CBLB: variants seen among roughly 807,000 people sequenced by gnomAD.
CBLB encodes E3 ubiquitin-protein ligase CBL-B.
In CBLB, 31 loss-of-function variants were observed where a neutral mutation model predicts 104.9. The observed-to-expected ratio is 0.30, with a 90% CI of 0.22 to 0.40. CBLB has a LOEUF of 0.40. Ranked by LOEUF, CBLB falls within the 10% of genes least tolerant of loss-of-function variation. The probability of loss-of-function intolerance (pLI) is 1.00; values close to 1 mark genes in which losing one functional copy is unlikely to be tolerated. For synonymous variants in CBLB, 440 were observed against 422.6 expected, an observed-to-expected ratio of 1.04 and a Z score of -0.51; for missense variants, 1,062 against 1,214.6, an observed-to-expected ratio of 0.87 and a Z score of 1.87.
intron 2 of CBLB, among the ~76,000 whole-genome samples, chr3:105,863,718 A>T (rs1449316756): frequency 6.6e-6 from 1 of 152,218 alleles, no homozygotes; most frequent in East Asian, 1.9e-4. Context: ...GACTGAGGGC[A>T]AAAGGCAGGA....
Position 105,746,014 on chromosome 3 carries a change from A to C in CBLB, c.748T>G (p.Trp250Gly). 1 of 1,607,598 alleles carries C rather than the reference A, an allele frequency of 6.2e-7. No individual in the cohort carries two copies. Reference sequence around the variant, plus strand: ...GGATGTGTCACAGCTAAGAAATTCCAATTCCGCAAAATAGAGCCCCAAGGC... The same window carrying C: ...GGATGTGTCACAGCTAAGAAATTCCCATTCCGCAAAATAGAGCCCCAAGGC... Reference protein sequence around the residue: ...FQPWGSILRNWNFLAVTHPGY... With the variant: ...FQPWGSILRNGNFLAVTHPGY... The change falls in exon 6 of 19, where the codon TGG (tryptophan) becomes GGG (glycine). Residue 250 changes from tryptophan to glycine, a missense_variant. Trp to Gly is a radical substitution (Grantham distance 184). Transcript: ENST00000394030.
rs112192218 is a variant in CBLB at position 105,847,392 on chromosome 3, CCACA to C, written c.419+6018_419+6021del. 7.2e-3 allele frequency among the ~76,000 whole-genome samples: 1,026 copies of C among 143,464 alleles called. 8 individuals carry two copies. The highest frequency in any genetic ancestry group is 0.019 in the African/African-American group (750 of 38,650). 94.1% of individuals were successfully genotyped at this position (143,464 alleles called of 152,430 possible). ...TAACTACAGAACATGTAACCCTCCA[CCACA>C]CACACACACACACACACACACACAC... is the stretch of plus-strand genomic sequence containing the variant. On this transcript the variant is annotated intron_variant, in intron 3 of 18. Coordinates refer to ENST00000394030, the MANE Select transcript of CBLB (RefSeq NM_170662.5).
At chr3:105,690,385 C>T (rs559238865) in intron 13 of CBLB, among the ~76,000 whole-genome samples, 30 of 152,114 alleles carry the variant, frequency 2.0e-4, no homozygotes, top group Non-Finnish European at 3.4e-4. Flanking sequence ...CTGTTATTGT[C>T]AGGTTTGCCA....
intron 2 of CBLB, among the ~76,000 whole-genome samples, chr3:105,856,303 T>A (rs898876975): frequency 1.6e-5 from 2 of 126,612 alleles, no homozygotes; most frequent in African/African-American, 3.1e-5. Context: ...TGAGCTGAGA[T>A]CACATCACTG....
chr3:105,813,814 T>C lies in CBLB; in HGVS notation c.420-37272A>G, dbSNP rs193130629. Among the ~76,000 whole-genome samples the C allele has an allele frequency of 4.8e-4, 73 of 152,234 alleles. 2 individuals are homozygous for C. In the East Asian group the frequency reaches 0.012, roughly 25 times the overall value. The stretch of plus-strand genomic sequence containing the variant: ...CAATAACAAGAAGCCAAGTGTGGTA[T>C]TCCTCAACTAATCTTAAAAAATTGT... On this transcript the variant is annotated intron_variant, in intron 3 of 18. Transcript: ENST00000394030.
Position 105,693,607 on chromosome 3 carries a change from G to C in CBLB, c.1960-19C>G, listed in dbSNP as rs556126315. 1 of 1,548,924 alleles carries C rather than the reference G, an allele frequency of 6.5e-7. No individual in the cohort carries two copies. The highest frequency in any genetic ancestry group is 1.1e-5 in the South Asian group (1 of 89,472). Reference sequence around the variant, plus strand: ...AAAAGACCTGAAAGTAAATCAAATTGTTAGTTTCCAAGAATTTAACTTCTG... The same window carrying C: ...AAAAGACCTGAAAGTAAATCAAATTCTTAGTTTCCAAGAATTTAACTTCTG... On this transcript the variant is annotated intron_variant, in intron 12 of 18. Transcript: ENST00000394030.
At chr3:105,683,114 G>C (rs1196909931) in intron 14 of CBLB, among the ~76,000 whole-genome samples, 1 of 152,032 alleles carries the variant, frequency 6.6e-6, no homozygotes, top group East Asian at 1.9e-4. Context: ...CTCTTTAAGG[G>C]GCCAGATATA....
At chr3:105,689,749 C>T (rs1373790217) in intron 13 of CBLB, among the ~76,000 whole-genome samples, 1 of 150,336 alleles carries the variant, frequency 6.7e-6, no homozygotes, top group African/African-American at 2.4e-5. Flanking sequence ...AAAAAGAATC[C>T]ACATAGGATT....
rs1553789099 is a variant in CBLB, at chr3:105,780,670, T to TTTTG, written c.420-4129_420-4128insCAAA. On this transcript the variant is annotated intron_variant, in intron 3 of 18. Coordinates refer to ENST00000394030, the MANE Select transcript of CBLB (RefSeq NM_170662.5). ...AAAGTTTTGTTTTTTGTTTTTTTTT[T>TTTTG]TTTTTTTTTTGAGATGGAGTCTCGC... 1.9e-3 allele frequency among the ~76,000 whole-genome samples: 255 copies of TTTTG among 135,182 alleles called. 2 individuals are homozygous for TTTTG. Among genetic ancestry groups the TTTTG allele is most frequent in the Non-Finnish European group, 2.9e-3 (185 of 63,386 alleles). 88.7% of individuals were successfully genotyped at this position (135,182 alleles called of 152,430 possible). A position where few individuals can be genotyped will look rare whatever the true frequency, so the allele number is the denominator to read the frequency against.
chr3:105,849,254 G>A (rs368989959), intron 3 of CBLB, among the ~76,000 whole-genome samples: 1 of 152,060 alleles, frequency 6.6e-6, no homozygotes, highest in South Asian at 2.1e-4. Flanking sequence ...ATTATGAATT[G>A]TTATGAAACA....
intron 3 of CBLB, among the ~76,000 whole-genome samples, chr3:105,777,957 A>C (rs1042728289): frequency 1.3e-5 from 2 of 152,212 alleles, no homozygotes; most frequent in African/African-American, 4.8e-5. Context: ...ACAAAATACT[A>C]AATAACTTCC....
At chr3:105,837,613 A>G (rs922734167) in intron 3 of CBLB, among the ~76,000 whole-genome samples, 1 of 152,214 alleles carries the variant, frequency 6.6e-6, no homozygotes, top group African/African-American at 2.4e-5. Context: ...ACACTCCATT[A>G]AAGAAGTACT....
chr3:105,742,942 T>A (rs914009602), intron 6 of CBLB, among the ~76,000 whole-genome samples: 7 of 152,202 alleles, frequency 4.6e-5, no homozygotes, highest in African/African-American at 1.4e-4. Flanking sequence ...AAACTCATTA[T>A]TATACAGAAG....
At chr3:105,804,978 G>A (rs2083326051) in intron 3 of CBLB, among the ~76,000 whole-genome samples, 1 of 152,060 alleles carries the variant, frequency 6.6e-6, no homozygotes, top group Non-Finnish European at 1.5e-5. Flanking sequence ...TCACTGCATG[G>A]TAACTTCCAT....
intron 9 of CBLB, among the ~76,000 whole-genome samples, chr3:105,730,520 G>A (rs1291210623): frequency 6.6e-6 from 1 of 151,994 alleles, no homozygotes; most frequent in African/African-American, 2.4e-5. Context: ...CCAATGTGCA[G>A]ATAACATGCT....
At chr3:105,727,263 T>C (rs982354086) in intron 9 of CBLB, among the ~76,000 whole-genome samples, 6 of 152,160 alleles carry the variant, frequency 3.9e-5, no homozygotes, top group African/African-American at 1.4e-4. Context: ...CGTGAGATGG[T>C]TATCTCATTG....
chr3:105,756,772 C>T (rs1193066110), intron 4 of CBLB, among the ~76,000 whole-genome samples: 2 of 152,058 alleles, frequency 1.3e-5, no homozygotes, highest in Admixed American at 6.6e-5. Flanking sequence ...AACTTATGTA[C>T]CCATATATAA....
chr3:105,734,194 T>A (rs372996171), intron 8 of CBLB, 54 bp from the exon 9 acceptor site: 3 of 1,574,194 alleles, frequency 1.9e-6, no homozygotes, highest in East Asian at 2.2e-5. Flanking sequence ...CAGCACAAAT[T>A]GTTAGTATCA....
chr3:105,722,955 T>C lies in CBLB; in HGVS notation c.1204-2705A>G, dbSNP rs73854389. 6.4e-3 allele frequency among the ~76,000 whole-genome samples: 980 copies of C among 152,298 alleles called. 12 individuals carry two copies. The highest frequency in any genetic ancestry group is 0.023 in the African/African-American group (939 of 41,562). The stretch of plus-strand genomic sequence containing the variant: ...ATAAGAGTAGATATCACAAAATACA[T>C]CTTCTCTTCAGCTTTGTTGTTGAGA... On this transcript the variant is annotated intron_variant, in intron 9 of 18. Coordinates refer to ENST00000394030, the MANE Select transcript of CBLB (RefSeq NM_170662.5).
Sources: allele counts gnomAD v4.1 joint callset (sites outside exome capture counted in the v4.1 genomes callset), GRCh38; gene constraint gnomAD v4.1.1; transcripts MANE v1.5; gene names NCBI Gene and HGNC (gene_info 2026-07-23, HGNC 2026-07-21).